LMBR1: variants seen among roughly 807,000 people sequenced by gnomAD.
LMBR1 encodes the protein limb region 1 protein homolog.
In LMBR1, 52 loss-of-function variants were observed where a neutral mutation model predicts 73.9. The ratio of observed to expected loss-of-function variants is 0.70; its 90% CI spans 0.56 to 0.89. The LOEUF is 0.89. Among genes scored for constraint, LMBR1 ranks in the 40% least tolerant of loss-of-function variants. The probability of loss-of-function intolerance (pLI) is 0.00; values close to 1 mark genes in which losing one functional copy is unlikely to be tolerated. For synonymous variants in LMBR1, 215 were observed against 209.4 expected (o/e 1.03, Z -0.23); for missense variants, 539 against 579.8 (o/e 0.93, Z 0.72).
At chr7:156,792,776 G>A (rs561527852) in intron 5 of LMBR1, among the ~76,000 whole-genome samples, 6 of 152,276 alleles carry the variant, frequency 3.9e-5, no homozygotes, top group East Asian at 3.9e-4. Flanking sequence ...GCCAATTTCC[G>A]CATCTCGGCA....
At chr7:156,843,977 C>A (rs1448375092) in intron 1 of LMBR1, among the ~76,000 whole-genome samples, 1 of 151,788 alleles carries the variant, frequency 6.6e-6, no homozygotes, top group Non-Finnish European at 1.5e-5. Flanking sequence ...TTTAAGAGTA[C>A]AAGTAAGGCT....
At chr7:156,864,958 T>C (rs1798245051) in intron 1 of LMBR1, among the ~76,000 whole-genome samples, 1 of 147,464 alleles carries the variant, frequency 6.8e-6, no homozygotes, top group Non-Finnish European at 1.5e-5. Context: ...GTCGCGCCAT[T>C]GCACTTCAGC....
intron 5 of LMBR1, among the ~76,000 whole-genome samples, chr7:156,766,807 C>T (rs897317568): frequency 3.9e-5 from 6 of 152,070 alleles, no homozygotes; most frequent in African/African-American, 1.2e-4. Flanking sequence ...GTTGTCACTC[C>T]CTCTCCTCTG....
downstream of LMBR1, chr7:156,676,637 G>T (rs974655078): frequency 1.9e-6 from 3 of 1,613,546 alleles, no homozygotes; most frequent in Non-Finnish European, 2.5e-6. Context: ...GCTACCAGAA[G>T]AAGATTCTTG....
At chr7:156,690,396 T>C (rs1026200387) in intron 15 of LMBR1, among the ~76,000 whole-genome samples, 1 of 152,218 alleles carries the variant, frequency 6.6e-6, no homozygotes, top group African/African-American at 2.4e-5. Flanking sequence ...TGGTATATGC[T>C]CTGTGGTGGG....
chr7:156,774,346 A>G (rs1196448647), intron 5 of LMBR1, among the ~76,000 whole-genome samples: 1 of 152,248 alleles, frequency 6.6e-6, no homozygotes, highest in African/African-American at 2.4e-5. Context: ...CATTTAATCC[A>G]GCAATCCCAT....
Position 156,763,117 on chromosome 7 carries a change from A to T in LMBR1, c.610T>A (p.Leu204Ile). The T allele has an allele frequency of 7.2e-7, 1 of 1,392,182 alleles. No individual in the cohort carries two copies. Among genetic ancestry groups the T allele is most frequent in the Non-Finnish European group, 1.0e-6 (1 of 995,844 alleles). The allele number at this position is 1,392,182 out of a possible 1,614,324, so 86.2% of individuals were successfully genotyped here. A position where few individuals can be genotyped will look rare whatever the true frequency, so the allele number is the denominator to read the frequency against. ...TCTGAAAAATACTTACAGAGAAGTAACAAACATCCCATCAATGATATACAG... is the reference window on the plus strand; with the variant it reads ...TCTGAAAAATACTTACAGAGAAGTATCAAACATCCCATCAATGATATACAG... ...YSCISLMGCL[L>I]LLLCTPVGLS... Residue 204 changes from leucine to isoleucine, a missense_variant, in exon 7 of 17, where the codon TTA becomes ATA. Physicochemically the swap from Leu to Ile is conservative, Grantham distance 5 (BLOSUM62 2). Transcript: ENST00000353442.
intron 4 of LMBR1, among the ~76,000 whole-genome samples, chr7:156,826,180 A>T (rs545485700): frequency 9.9e-4 from 150 of 152,102 alleles, no homozygotes; most frequent in East Asian, 5.6e-3. Flanking sequence ...GGGTTTCTCC[A>T]TGTTGGCCAG....
chr7:156,892,011 A>G (rs2134663716), intron 1 of LMBR1, among the ~76,000 whole-genome samples: 1 of 152,374 alleles, frequency 6.6e-6, no homozygotes, highest in African/African-American at 2.4e-5. Flanking sequence ...TAAAAAATTG[A>G]CATATTTTAC....
Position 156,685,040 on chromosome 7 carries a change from T to G in LMBR1, c.1388-877A>C, listed in dbSNP as rs1033504832. On this transcript the variant is annotated intron_variant, in intron 16 of 16. Coordinates refer to ENST00000353442, the MANE Select transcript of LMBR1 (RefSeq NM_022458.4). This position sits in a 1 kb window ranked among gnomAD's most constrained non-coding sequence, Gnocchi z 4.1. ...GGAAAGCCACAGCCAAATATTAATA[T>G]GTAATTAAAAAGAAAAGAATGGAAA... 6.6e-6 allele frequency among the ~76,000 whole-genome samples: 1 copy of G among 151,442 alleles called. No individual in the cohort carries two copies. Among genetic ancestry groups the G allele is most frequent in the East Asian group, 1.9e-4 (1 of 5,158 alleles).
At chr7:156,769,365 C>T (rs540795710) in intron 5 of LMBR1, among the ~76,000 whole-genome samples, 8 of 152,242 alleles carry the variant, frequency 5.3e-5, no homozygotes, top group South Asian at 4.1e-4. Context: ...GAGGAATGAA[C>T]GACAGCCAAA....
intron 4 of LMBR1, among the ~76,000 whole-genome samples, chr7:156,672,787 G>A (rs1396313186): frequency 2.0e-5 from 3 of 152,188 alleles, no homozygotes; most frequent in African/African-American, 4.8e-5. Context: ...TTCTGAAAGC[G>A]CACGCACAGC....
chr7:156,669,288 C>G lies in LMBR1; in HGVS notation n.867-1G>C, dbSNP rs892778975. ...TGCAGGGCACGCTTCCTGCAGGGAG[C>G]TGGGGAGAGACAAATAATAAAATAT... On this transcript the variant is annotated splice_acceptor_variant and non_coding_transcript_variant, in intron 4 of 4. Coordinates refer to the LMBR1 transcript ENST00000430825. This position sits in a 1 kb window ranked among gnomAD's most constrained non-coding sequence, Gnocchi z 4.2. The G allele has an allele frequency of 6.6e-6, 1 of 152,056 alleles. No individual in the cohort carries two copies. Among genetic ancestry groups the G allele is most frequent in the Non-Finnish European group, 1.5e-5 (1 of 68,020 alleles). The allele number at this position is 152,056 out of a possible 1,614,324, so 9.4% of individuals were successfully genotyped here. A position where few individuals can be genotyped will look rare whatever the true frequency, so the allele number is the denominator to read the frequency against.
In LMBR1 at chr7:156,734,233, T is replaced by C; in HGVS notation, c.782A>G (p.Asn261Ser). The C allele has an allele frequency of 6.2e-7, 1 of 1,610,294 alleles. No individual in the cohort carries two copies. The highest frequency in any genetic ancestry group is 2.2e-5 in the East Asian group (1 of 44,776). The change falls in exon 10 of 17, where the codon AAC (asparagine) becomes AGC (serine). Residue 261 changes from asparagine (N) to serine (S), a missense_variant. Coordinates refer to ENST00000353442, the MANE Select transcript of LMBR1 (RefSeq NM_022458.4). ...LNGLSSSVEYNIMELEQELEN... is the reference protein window; with the variant it reads ...LNGLSSSVEYSIMELEQELEN... ...AAGTTCTTGTTCCAACTCCATTATG[T>C]TGTATTCCACCGATGAAGACAGCCC...
chr7:156,888,652 T>G (rs1438573958), intron 1 of LMBR1, among the ~76,000 whole-genome samples: 2 of 152,114 alleles, frequency 1.3e-5, no homozygotes. Context: ...GCACGTTGGC[T>G]CCCGCCTGTA....
At chr7:156,844,660 T>C (rs541067293) in intron 1 of LMBR1, among the ~76,000 whole-genome samples, 6 of 150,686 alleles carry the variant, frequency 4.0e-5, no homozygotes, top group South Asian at 2.1e-4. Flanking sequence ...CATCTTGTGA[T>C]ACTGTGAACA....
intron 3 of LMBR1, among the ~76,000 whole-genome samples, chr7:156,828,515 G>C (rs1836089762): frequency 6.6e-6 from 1 of 152,076 alleles, no homozygotes; most frequent in South Asian, 2.1e-4. Flanking sequence ...ATCCAACCAG[G>C]AAGACAGAAC....
intron 1 of LMBR1, among the ~76,000 whole-genome samples, chr7:156,868,557 T>G (rs1798804641): frequency 6.6e-6 from 1 of 151,702 alleles, no homozygotes; most frequent in Non-Finnish European, 1.5e-5. Flanking sequence ...ACCTATAATC[T>G]AATGCTGAGT....
At chr7:156,721,170 C>T (rs1563208572) in intron 15 of LMBR1, among the ~76,000 whole-genome samples, 1 of 151,942 alleles carries the variant, frequency 6.6e-6, no homozygotes, top group Non-Finnish European at 1.5e-5. Flanking sequence ...CACTAAATAA[C>T]TTACAAATTA....
Sources: allele counts gnomAD v4.1 joint callset (sites outside exome capture counted in the v4.1 genomes callset), GRCh38; gene constraint gnomAD v4.1.1; non-coding constraint Gnocchi (gnomAD v3.1); transcripts MANE v1.5; gene names NCBI Gene and HGNC (gene_info 2026-07-23, HGNC 2026-07-21).